The following SNX29 variants were observed in gnomAD, a reference collection of about 807,000 sequenced individuals.
SNX29 encodes the protein sorting nexin 29, also known as sorting nexin-29.
A neutral mutation model predicts 102.1 loss-of-function variants in SNX29; 78 were observed. That is an observed-to-expected ratio of 0.76 (90% CI 0.64 to 0.92). The LOEUF (loss-of-function observed/expected upper bound fraction) is 0.92, where lower values mean the gene tolerates loss of function less well. SNX29 is among the 40% of genes least tolerant of loss of function. The pLI is 0.00. For missense variants in SNX29, 1,280 were observed against 1,061.7 expected, an observed-to-expected ratio of 1.21 and a Z score of -2.86; for synonymous variants, 580 against 414.5, an observed-to-expected ratio of 1.40 and a Z score of -4.85.
intron 13 of SNX29, among the ~76,000 whole-genome samples, chr16:12,184,222 G>A (rs1053365620): frequency 2.0e-5 from 3 of 152,146 alleles, no homozygotes; most frequent in African/African-American, 4.8e-5. Context: ...TCTAACATAC[G>A]GTTCATATTC....
At chr16:12,358,168 A>T (rs1322094330) in intron 16 of SNX29, among the ~76,000 whole-genome samples, 1 of 147,380 alleles carries the variant, frequency 6.8e-6, no homozygotes, top group Non-Finnish European at 1.5e-5. Context: ...TTGCCATTTT[A>T]TAAAGTAAAA....
chr16:12,431,381 G>A (rs1369643842), intron 18 of SNX29, among the ~76,000 whole-genome samples: 2 of 151,490 alleles, frequency 1.3e-5, no homozygotes, highest in Non-Finnish European at 2.9e-5. Flanking sequence ...ATTATATTGT[G>A]ATGTCTTTTG....
chr16:12,053,802 T>C (rs1360090190), intron 8 of SNX29, among the ~76,000 whole-genome samples: 1 of 152,080 alleles, frequency 6.6e-6, no homozygotes, highest in East Asian at 1.9e-4. Flanking sequence ...AGATGATTTA[T>C]ACCCTATATT....
At chr16:12,400,402 A>G (rs1209680754) in intron 17 of SNX29, among the ~76,000 whole-genome samples, 2 of 152,188 alleles carry the variant, frequency 1.3e-5, no homozygotes, top group African/African-American at 2.4e-5. Context: ...AGTCCCTACA[A>G]CAACCTTCAG....
chr16:12,213,658 C>G (rs908772668), intron 14 of SNX29, among the ~76,000 whole-genome samples: 2 of 152,130 alleles, frequency 1.3e-5, no homozygotes, highest in East Asian at 1.9e-4. Flanking sequence ...GTTAGTTTCT[C>G]CAAGTGGATA....
intron 14 of SNX29, among the ~76,000 whole-genome samples, chr16:12,214,414 A>T (rs1198377380): frequency 6.6e-6 from 1 of 152,064 alleles, no homozygotes; most frequent in Non-Finnish European, 1.5e-5. Flanking sequence ...CTGTCCTGGG[A>T]GCTGACAGGT....
At chr16:12,153,377 C>T (rs1023515001) in intron 13 of SNX29, among the ~76,000 whole-genome samples, 1 of 152,118 alleles carries the variant, frequency 6.6e-6, no homozygotes, top group Non-Finnish European at 1.5e-5. Context: ...GATCTCTTGG[C>T]CGGTCTTGTG....
intron 15 of SNX29, among the ~76,000 whole-genome samples, chr16:12,312,864 G>T (rs573800659): frequency 5.9e-4 from 90 of 152,208 alleles, no homozygotes; most frequent in Non-Finnish European, 1.0e-3. Context: ...AAAACAACCA[G>T]TTCTACCTCA....
chr16:12,455,895 C>A lies in SNX29; in HGVS notation c.2038-21824C>A, dbSNP rs115366340. ...TCCTTCCATTTATCCATCCATCTAC[C>A]TACCCACCCATCTAGCACCCGTTGG... On this transcript the variant is annotated intron_variant, in intron 18 of 20. Coordinates refer to ENST00000566228, the MANE Select transcript of SNX29 (RefSeq NM_032167.5). Among the ~76,000 whole-genome samples the A allele has an allele frequency of 9.0e-3, 1,373 of 152,206 alleles. 26 individuals carry two copies. Among genetic ancestry groups the A allele is most frequent in the African/African-American group, 0.031 (1,305 of 41,526 alleles).
intron 15 of SNX29, among the ~76,000 whole-genome samples, chr16:12,289,989 C>T (rs2079737313): frequency 6.6e-6 from 1 of 152,116 alleles, no homozygotes; most frequent in Non-Finnish European, 1.5e-5. Context: ...CAGTGTGGAG[C>T]TGGAGAAACG....
intron 9 of SNX29, among the ~76,000 whole-genome samples, chr16:12,063,963 G>T (rs1158768044): frequency 6.6e-6 from 1 of 151,498 alleles, no homozygotes; most frequent in Admixed American, 6.6e-5. Context: ...TCTGAGGAGG[G>T]GCAGGGGCTG....
chr16:12,164,489 C>G (rs555609594), intron 13 of SNX29, among the ~76,000 whole-genome samples: 1 of 152,206 alleles, frequency 6.6e-6, no homozygotes, highest in South Asian at 2.1e-4. Flanking sequence ...GCATTACAAC[C>G]TTGAGAAGAT....
intron 14 of SNX29, among the ~76,000 whole-genome samples, chr16:12,261,492 G>T (rs369532996): frequency 1.4e-5 from 2 of 146,018 alleles, no homozygotes; most frequent in African/African-American, 5.1e-5. Flanking sequence ...GCGCGCCCCC[G>T]GCTGGAGTGA....
In SNX29 at chr16:12,569,056, A is replaced by G. The variant is rs535874823; in HGVS notation, c.*427A>G. The stretch of plus-strand genomic sequence containing the variant: ...TCTTTCCCACGTGGGGACTAGAATG[A>G]CTATTAGCCTCTCCTTTTGCTTTTT... On this transcript the variant is annotated 3_prime_UTR_variant, in exon 21 of 21. Coordinates refer to ENST00000566228, the MANE Select transcript of SNX29 (RefSeq NM_032167.5). 458 of 204,626 alleles carry G rather than the reference A, an allele frequency of 2.2e-3. No individual in the cohort carries two copies. Among genetic ancestry groups the G allele is most frequent in the Non-Finnish European group, 3.2e-3 (346 of 107,842 alleles). 12.7% of individuals were successfully genotyped at this position (204,626 alleles called of 1,614,324 possible).
intron 18 of SNX29, among the ~76,000 whole-genome samples, chr16:12,461,986 T>TATATATATATATAA (rs2086810711): frequency 5.5e-5 from 3 of 54,534 alleles, no homozygotes; most frequent in Non-Finnish European, 8.9e-5. Context: ...AAAATATATA[T>TATATATATATATAA]ATATATATAT....
intron 13 of SNX29, among the ~76,000 whole-genome samples, chr16:12,198,144 T>A (rs1452485679): frequency 6.6e-6 from 1 of 152,136 alleles, no homozygotes. Context: ...GTGTTTTGGG[T>A]TGGTAGTGAT....
At chr16:12,420,069 C>G (rs1229433969) in intron 18 of SNX29, among the ~76,000 whole-genome samples, 3 of 152,170 alleles carry the variant, frequency 2.0e-5, no homozygotes, top group Admixed American at 1.3e-4. Flanking sequence ...CCAGGTAATT[C>G]TGGGTTACAA....
Position 12,051,973 on chromosome 16 carries a change from C to T in SNX29, c.875C>T (p.Ser292Leu), listed in dbSNP as rs2050324420. 1 of 1,613,872 alleles carries T rather than the reference C, an allele frequency of 6.2e-7. No individual in the cohort carries two copies. The highest frequency in any genetic ancestry group is 1.1e-5 in the South Asian group (1 of 91,070). The change falls in exon 8 of 21, where the codon TCA becomes TTA. Residue 292 changes from serine (S) to leucine (L), a missense_variant. Transcript: ENST00000566228. ...FKKTPGAGESSEDNSDRSSVN... is the reference protein window; with the variant it reads ...FKKTPGAGESLEDNSDRSSVN... Reference sequence around the variant, plus strand: ...AAGACACCTGGGGCAGGGGAGAGCTCAGAGGACAACTCCGACCGCTCCTCT... The same window carrying T: ...AAGACACCTGGGGCAGGGGAGAGCTTAGAGGACAACTCCGACCGCTCCTCT...
At chr16:12,201,158 C>T (rs2076905052) in intron 14 of SNX29, among the ~76,000 whole-genome samples, 1 of 152,174 alleles carries the variant, frequency 6.6e-6, no homozygotes, top group Non-Finnish European at 1.5e-5. Flanking sequence ...TAACTGTGGT[C>T]ATTCTGGAGT....
Sources: allele counts gnomAD v4.1 joint callset (sites outside exome capture counted in the v4.1 genomes callset), GRCh38; gene constraint gnomAD v4.1.1; transcripts MANE v1.5; gene names NCBI Gene and HGNC (gene_info 2026-07-23, HGNC 2026-07-21).